The following CNTNAP5 variants were observed in gnomAD, a reference collection of about 807,000 sequenced individuals.
The protein encoded by CNTNAP5 is contactin-associated protein-like 5.
CNTNAP5 carries 72 observed loss-of-function variants against 150.2 expected under a neutral mutation model. That is an observed-to-expected ratio of 0.48 (90% CI 0.40 to 0.58). CNTNAP5 has a LOEUF of 0.58. CNTNAP5 is among the 20% of genes least tolerant of loss of function. The pLI, the probability that CNTNAP5 is intolerant of heterozygous loss-of-function variation, is 0.00. For synonymous variants in CNTNAP5, 672 were observed against 619.8 expected, an observed-to-expected ratio of 1.08 and a Z score of -1.25; for missense variants, 1,636 against 1,626.2, an observed-to-expected ratio of 1.01 and a Z score of -0.10.
At chr2:124,634,210 T>C (rs1677925151) in intron 12 of CNTNAP5, among the ~76,000 whole-genome samples, 1 of 152,236 alleles carries the variant, frequency 6.6e-6, no homozygotes, top group South Asian at 2.1e-4. Flanking sequence ...CTTTACACTC[T>C]GCTTTCCTTT....
At chr2:124,644,211 C>T (rs1005911433) in intron 12 of CNTNAP5, among the ~76,000 whole-genome samples, 2 of 152,160 alleles carry the variant, frequency 1.3e-5, no homozygotes, top group African/African-American at 2.4e-5. Flanking sequence ...GTCACATAAA[C>T]CTCTCCAGCT....
intron 3 of CNTNAP5, among the ~76,000 whole-genome samples, chr2:124,293,904 G>A (rs1244843245): frequency 6.6e-6 from 1 of 152,140 alleles, no homozygotes; most frequent in Non-Finnish European, 1.5e-5. Flanking sequence ...TGAGTCTGGG[G>A]GGCTGAGAAG....
chr2:124,832,919 C>CTTTTTTTTTTTT (rs539240335), intron 19 of CNTNAP5, among the ~76,000 whole-genome samples: 6 of 143,194 alleles, frequency 4.2e-5, no homozygotes, highest in African/African-American at 1.5e-4. Context: ...TTTTCTTTTC[C>CTTTTTTTTTTTT]TTTTTTTTTT....
At chr2:124,642,751 T>C (rs75025711) in intron 12 of CNTNAP5, among the ~76,000 whole-genome samples, 12,099 of 152,210 alleles carry the variant, frequency 0.079, 624 homozygotes, top group African/African-American at 0.14. Flanking sequence ...CATATTTTCC[T>C]CCAGTGTATG....
intron 13 of CNTNAP5, among the ~76,000 whole-genome samples, chr2:124,711,187 C>T (rs1041306184): frequency 1.3e-5 from 2 of 152,080 alleles, no homozygotes; most frequent in African/African-American, 4.8e-5. Context: ...AGGAGAACAG[C>T]TTGAACCTGG....
At chr2:124,166,431 A>G (rs1299819530) in intron 1 of CNTNAP5, among the ~76,000 whole-genome samples, 1 of 152,168 alleles carries the variant, frequency 6.6e-6, no homozygotes, top group African/African-American at 2.4e-5. Flanking sequence ...GGATTCCAAG[A>G]ATGAGGAAGT....
intron 2 of CNTNAP5, among the ~76,000 whole-genome samples, chr2:124,222,601 C>G (rs989341636): frequency 6.6e-6 from 1 of 151,920 alleles, no homozygotes; most frequent in Non-Finnish European, 1.5e-5. Flanking sequence ...AGCTACGGGT[C>G]TATTAGAGTT....
intron 3 of CNTNAP5, among the ~76,000 whole-genome samples, chr2:124,408,008 G>A (rs571329303): frequency 8.5e-5 from 13 of 152,284 alleles, no homozygotes; most frequent in South Asian, 6.2e-4. Flanking sequence ...GACAGTGGGC[G>A]CAGGTCAGTG....
At chr2:124,749,581 G>A (rs1257132105) in intron 14 of CNTNAP5, among the ~76,000 whole-genome samples, 3 of 151,900 alleles carry the variant, frequency 2.0e-5, no homozygotes, top group Admixed American at 6.6e-5. Context: ...ACACCACCAC[G>A]CCTAGCTAAG....
In CNTNAP5 at chr2:124,221,739, T is replaced by A; in HGVS notation, c.117T>A (p.Ser39=). ...NCDDPLASLL[S]PMAFSSSSDL... Reference sequence around the variant, plus strand: ...ATGATCCACTAGCATCCCTGCTCTCTCCAATGGCTTTTTCCAGTTCCTCAG... The same window carrying A: ...ATGATCCACTAGCATCCCTGCTCTCACCAATGGCTTTTTCCAGTTCCTCAG... The change falls in exon 2 of 24, where the codon TCT becomes TCA. Residue 39 remains serine, a synonymous_variant. Transcript: ENST00000682447. The A allele has an allele frequency of 6.2e-7, 1 of 1,611,824 alleles. No homozygotes were observed. The highest frequency in any genetic ancestry group is 1.7e-4 in the Middle Eastern group (1 of 6,050).
chr2:124,399,318 A>G (rs189984514), intron 3 of CNTNAP5, among the ~76,000 whole-genome samples: 25 of 152,282 alleles, frequency 1.6e-4, no homozygotes, highest in Non-Finnish European at 2.1e-4. Context: ...CATCTTCTCC[A>G]TAGAGTGCTA....
intron 11 of CNTNAP5, among the ~76,000 whole-genome samples, chr2:124,565,628 C>A (rs1340038194): frequency 9.7e-6 from 1 of 103,220 alleles, no homozygotes; most frequent in South Asian, 3.3e-4. Flanking sequence ...GAGATGGAGT[C>A]TTGCTCTGTC....
chr2:124,139,932 G>T (rs1243522439), intron 1 of CNTNAP5, among the ~76,000 whole-genome samples: 1 of 152,132 alleles, frequency 6.6e-6, no homozygotes, highest in African/African-American at 2.4e-5. Flanking sequence ...GTGTGTGCGC[G>T]CACCGTGCAC....
intron 13 of CNTNAP5, among the ~76,000 whole-genome samples, chr2:124,649,739 G>C (rs1436328491): frequency 6.6e-6 from 1 of 152,216 alleles, no homozygotes. Flanking sequence ...CACCTGAAAA[G>C]TTTGCATGAA....
chr2:124,655,550 T>G (rs954380441), intron 13 of CNTNAP5, among the ~76,000 whole-genome samples: 1 of 151,192 alleles, frequency 6.6e-6, no homozygotes, highest in African/African-American at 2.4e-5. Flanking sequence ...TATATATATA[T>G]ATATATATAT....
intron 3 of CNTNAP5, among the ~76,000 whole-genome samples, chr2:124,366,375 A>G (rs1690371726): frequency 6.6e-6 from 1 of 152,148 alleles, no homozygotes; most frequent in Admixed American, 6.5e-5. Flanking sequence ...CATTTTCTGT[A>G]GTCAAAATAT....
intron 3 of CNTNAP5, among the ~76,000 whole-genome samples, chr2:124,294,958 T>C (rs978481576): frequency 2.6e-5 from 4 of 152,026 alleles, no homozygotes; most frequent in African/African-American, 9.7e-5. Context: ...ATACAAAAAC[T>C]AGCTGGGTGT....
intron 19 of CNTNAP5, among the ~76,000 whole-genome samples, chr2:124,817,516 T>A (rs1447158087): frequency 6.6e-6 from 1 of 152,114 alleles, no homozygotes; most frequent in African/African-American, 2.4e-5. Context: ...TACCATGAGG[T>A]TGGTCTTGAT....
intron 19 of CNTNAP5, among the ~76,000 whole-genome samples, chr2:124,853,819 C>G (rs1009172875): frequency 3.9e-5 from 6 of 152,146 alleles, no homozygotes; most frequent in Admixed American, 1.3e-4. Context: ...AACCTCCATC[C>G]TCACGTAGGC....
Sources: gnomAD v4.1 joint callset for allele counts (sites outside exome capture counted in the v4.1 genomes callset) on GRCh38, gnomAD v4.1.1 for gene constraint, MANE v1.5 for transcripts, NCBI Gene and HGNC (gene_info 2026-07-23, HGNC 2026-07-21) for gene names.